Variants in ATP9B observed in about 807,000 individuals in gnomAD.
The protein encoded by ATP9B is ATPase phospholipid transporting 9B, also known as probable phospholipid-transporting ATPase IIB.
ATP9B carries 110 observed loss-of-function variants against 146.1 expected under a neutral mutation model. The ratio of observed to expected loss-of-function variants is 0.75; its 90% CI spans 0.65 to 0.88. The LOEUF is 0.88. Among genes scored for constraint, ATP9B ranks in the 40% least tolerant of loss-of-function variants. The pLI, the probability that ATP9B is intolerant of heterozygous loss-of-function variation, is 0.00. For missense variants in ATP9B, 1,499 were observed against 1,496.4 expected (o/e 1.00, Z -0.03); for synonymous variants, 604 against 569.7 (o/e 1.06, Z -0.86).
At chr18:79,308,690 AGCAG>A (rs2096633068) in intron 15 of ATP9B, among the ~76,000 whole-genome samples, 6 of 116,006 alleles carry the variant, frequency 5.2e-5, no homozygotes, top group African/African-American at 1.2e-4. Flanking sequence ...AGTGATCCCC[AGCAG>A]GTAGAAGGTC....
chr18:79,299,107 A>G, intron 13 of ATP9B, among the ~76,000 whole-genome samples: 1 of 151,872 alleles, frequency 6.6e-6, no homozygotes, highest in Admixed American at 6.6e-5. Flanking sequence ...CCTTGATCCC[A>G]GTTCTTTCCC....
intron 8 of ATP9B, among the ~76,000 whole-genome samples, chr18:79,192,840 C>A (rs2095380850): frequency 6.6e-6 from 1 of 152,052 alleles, no homozygotes; most frequent in Non-Finnish European, 1.5e-5. Flanking sequence ...CCTTATTTCC[C>A]CCTGAATACT....
At chr18:79,256,045 T>C (rs183477496) in intron 12 of ATP9B, among the ~76,000 whole-genome samples, 60 of 152,186 alleles carry the variant, frequency 3.9e-4, no homozygotes, top group South Asian at 8.3e-4. Context: ...TTATAAATAT[T>C]CCATGTGTGC....
intron 20 of ATP9B, 86 bp from the exon 21 acceptor site, chr18:79,344,179 G>C (rs2096873613): frequency 1.2e-5 from 15 of 1,236,218 alleles, no homozygotes; most frequent in Non-Finnish European, 1.8e-5. Context: ...ACATTCCACT[G>C]TGACTCTGCA....
chr18:79,373,350 G>A (rs1431914069), intron 27 of ATP9B, among the ~76,000 whole-genome samples: 2 of 152,116 alleles, frequency 1.3e-5, no homozygotes, highest in African/African-American at 2.4e-5. Context: ...GTGTGGCTTC[G>A]TATCCAGAGA....
chr18:79,134,385 A>G (rs963759783), intron 5 of ATP9B, among the ~76,000 whole-genome samples: 1 of 152,200 alleles, frequency 6.6e-6, no homozygotes, highest in Admixed American at 6.5e-5. Flanking sequence ...CCCTGTGGGG[A>G]GTGGCGTTAC....
chr18:79,194,372 A>C (rs534724398), intron 9 of ATP9B: 1 of 152,306 alleles, frequency 6.6e-6, no homozygotes, highest in East Asian at 1.9e-4. Flanking sequence ...TATATTGCTC[A>C]TGACTTTGAA....
chr18:79,249,116 CAGG>C (rs1211886960), intron 11 of ATP9B, among the ~76,000 whole-genome samples: 2 of 150,954 alleles, frequency 1.3e-5, no homozygotes, highest in Non-Finnish European at 1.5e-5. Flanking sequence ...CTTGATTAAG[CAGG>C]AGAATACCGT....
intron 9 of ATP9B, among the ~76,000 whole-genome samples, chr18:79,205,103 C>A (rs2095521892): frequency 6.6e-6 from 1 of 152,200 alleles, no homozygotes; most frequent in Non-Finnish European, 1.5e-5. Flanking sequence ...GCTGCACCTG[C>A]ATTGCAGGAC....
chr18:79,308,031 G>A (rs545059937), intron 15 of ATP9B, among the ~76,000 whole-genome samples: 1 of 152,260 alleles, frequency 6.6e-6, no homozygotes, highest in South Asian at 2.1e-4. Flanking sequence ...CAGATCTAAT[G>A]TTTTAAAGAG....
chr18:79,328,251 G>A (rs986073338), intron 15 of ATP9B, among the ~76,000 whole-genome samples: 1 of 152,140 alleles, frequency 6.6e-6, no homozygotes, highest in Non-Finnish European at 1.5e-5. Context: ...AATAGGATTG[G>A]CATACCCTAT....
At chr18:79,113,749 T>G (rs2094014134) in intron 4 of ATP9B, among the ~76,000 whole-genome samples, 1 of 152,202 alleles carries the variant, frequency 6.6e-6, no homozygotes, top group African/African-American at 2.4e-5. Context: ...TTCTGAAGTA[T>G]CCAAGTGCAG....
At chr18:79,219,394 G>GT (rs1321024008) in intron 11 of ATP9B, among the ~76,000 whole-genome samples, 64 of 147,362 alleles carry the variant, frequency 4.3e-4, no homozygotes, top group Middle Eastern at 3.5e-3. Context: ...ATTGATTTTG[G>GT]TTTTTTTTTT....
intron 7 of ATP9B, among the ~76,000 whole-genome samples, chr18:79,160,941 T>G (rs1307953667): frequency 2.0e-5 from 3 of 152,144 alleles, no homozygotes; most frequent in African/African-American, 7.2e-5. Context: ...GGCTGATTTT[T>G]GTATTTTTAG....
chr18:79,327,096 T>C (rs563173184), intron 15 of ATP9B, among the ~76,000 whole-genome samples: 35 of 152,364 alleles, frequency 2.3e-4, no homozygotes, highest in African/African-American at 7.9e-4. Context: ...GAACTCATCC[T>C]CACAGGAATG....
At chr18:79,235,865 G>A (rs1599148222) in intron 11 of ATP9B, among the ~76,000 whole-genome samples, 1 of 152,028 alleles carries the variant, frequency 6.6e-6, no homozygotes, top group Admixed American at 6.6e-5. Flanking sequence ...GTTATATGAG[G>A]AAGCCATAAT....
intron 13 of ATP9B, among the ~76,000 whole-genome samples, chr18:79,300,670 C>T (rs535140061): frequency 2.7e-4 from 41 of 152,358 alleles, no homozygotes; most frequent in African/African-American, 9.4e-4. Flanking sequence ...CACCCAGGGC[C>T]TGTCACAGCC....
At chr18:79,352,275 A>G (rs774001707) in intron 25 of ATP9B, among the ~76,000 whole-genome samples, 1 of 152,130 alleles carries the variant, frequency 6.6e-6, no homozygotes, top group Non-Finnish European at 1.5e-5. Flanking sequence ...TTGAACCTTA[A>G]TTGAGCACCA....
intron 1 of ATP9B, among the ~76,000 whole-genome samples, chr18:79,071,884 GTTTTGT>G (rs1368682692): frequency 3.8e-5 from 3 of 79,870 alleles, no homozygotes; most frequent in Admixed American, 1.5e-4. Flanking sequence ...TTCATGTTTG[GTTTTGT>G]TTTTTTTTTT....
Sources: gnomAD v4.1 joint callset for allele counts (sites outside exome capture counted in the v4.1 genomes callset) on GRCh38, gnomAD v4.1.1 for gene constraint, MANE v1.5 for transcripts, NCBI Gene and HGNC (gene_info 2026-07-23, HGNC 2026-07-21) for gene names.